Variants in TP63 observed in about 807,000 individuals in gnomAD.
TP63 encodes tumor protein p63.
TP63 carries 17 observed loss-of-function variants against 82.8 expected under a neutral mutation model. The ratio of observed to expected loss-of-function variants is 0.21; its 90% CI spans 0.14 to 0.31. The LOEUF is 0.31. Ranked by LOEUF, TP63 falls within the 10% of genes least tolerant of loss-of-function variation. The pLI is 1.00. For missense variants in TP63, 648 were observed against 895.3 expected, an observed-to-expected ratio of 0.72 and a Z score of 3.52; for synonymous variants, 330 against 321.7, an observed-to-expected ratio of 1.03 and a Z score of -0.28.
intron 1 of TP63, among the ~76,000 whole-genome samples, chr3:189,654,609 T>C (rs968425938): frequency 6.6e-6 from 1 of 152,070 alleles, no homozygotes; most frequent in Non-Finnish European, 1.5e-5. Context: ...TAGCCTGGGG[T>C]TTTCAGATAT....
At chr3:189,705,457 T>C (rs1718126717) in intron 1 of TP63, among the ~76,000 whole-genome samples, 1 of 152,118 alleles carries the variant, frequency 6.6e-6, no homozygotes, top group Non-Finnish European at 1.5e-5. Flanking sequence ...TCTTTTCTTT[T>C]TCTTTTCATT....
chr3:189,638,260 G>A (rs530155995), intron 1 of TP63, among the ~76,000 whole-genome samples: 3 of 152,212 alleles, frequency 2.0e-5, no homozygotes, highest in East Asian at 1.9e-4. Flanking sequence ...GTTTTGATGC[G>A]TTTAACTAAA....
intron 4 of TP63, among the ~76,000 whole-genome samples, chr3:189,811,031 T>C (rs951833540): frequency 2.6e-5 from 4 of 152,082 alleles, no homozygotes; most frequent in African/African-American, 9.7e-5. Flanking sequence ...AAAATTTCCT[T>C]ACATGTGACA....
intron 1 of TP63, among the ~76,000 whole-genome samples, chr3:189,679,248 C>T (rs1019331683): frequency 4.6e-5 from 7 of 152,022 alleles, no homozygotes; most frequent in Non-Finnish European, 8.8e-5. Flanking sequence ...TTTACATTCC[C>T]ACCAACAATA....
chr3:189,627,830 G>C (rs553674299), upstream of TP63, among the ~76,000 whole-genome samples: 2 of 152,196 alleles, frequency 1.3e-5, no homozygotes, highest in South Asian at 4.1e-4. Flanking sequence ...TGTCTAATGT[G>C]TCACCTCCTC....
At chr3:189,690,940 G>A (rs181430651) in intron 1 of TP63, among the ~76,000 whole-genome samples, 149 of 152,240 alleles carry the variant, frequency 9.8e-4, no homozygotes, top group African/African-American at 3.4e-3. Context: ...AACTGGAGTT[G>A]TCACTCTCAG....
chr3:189,694,798 T>TTTTTTTTTTTTG lies in TP63; in HGVS notation c.63-42931_63-42930insGTTTTTTTTTTT, dbSNP rs1717233381. Among the ~76,000 whole-genome samples, 2 of 29,076 alleles carry TTTTTTTTTTTTG rather than the reference T, an allele frequency of 6.9e-5. 1 individual carries two copies. Among genetic ancestry groups the TTTTTTTTTTTTG allele is most frequent in the Non-Finnish European group, 1.4e-4 (2 of 13,992 alleles). The allele number at this position is 29,076 out of a possible 152,430, so 19.1% of individuals were successfully genotyped here. A position where few individuals can be genotyped will look rare whatever the true frequency, so the allele number is the denominator to read the frequency against. ...AGGCCAGTATTTACAGCCTTTTTTT[T>TTTTTTTTTTTTG]TTTTTTTTTTTTTTTTTTTTTTTTT... On this transcript the variant is annotated intron_variant, in intron 1 of 13. Coordinates refer to ENST00000264731, the MANE Select transcript of TP63 (RefSeq NM_003722.5).
intron 1 of TP63, among the ~76,000 whole-genome samples, chr3:189,712,547 C>G (rs560742489): frequency 4.6e-5 from 7 of 152,246 alleles, no homozygotes; most frequent in African/African-American, 1.2e-4. Flanking sequence ...GGGCACACAG[C>G]AGCTCTTTGA....
At chr3:189,694,572 C>T (rs1440475879) in intron 1 of TP63, among the ~76,000 whole-genome samples, 1 of 151,720 alleles carries the variant, frequency 6.6e-6, no homozygotes, top group Non-Finnish European at 1.5e-5. Flanking sequence ...AATGATAAAC[C>T]TGGGTTTATG....
chr3:189,818,048 G>A (rs1728387325), intron 4 of TP63, among the ~76,000 whole-genome samples: 2 of 151,634 alleles, frequency 1.3e-5, no homozygotes, highest in South Asian at 4.1e-4. Flanking sequence ...GATAATTTGG[G>A]CTTGAAAGAT....
intron 7 of TP63, 69 bp from the exon 8 acceptor site, chr3:189,868,511 G>A (rs538944178): frequency 6.3e-7 from 1 of 1,594,164 alleles, no homozygotes; most frequent in South Asian, 1.1e-5. Context: ...AGTGGAAGTG[G>A]TAGATCTTCA....
At chr3:189,823,000 C>T (rs1728952881) in intron 4 of TP63, among the ~76,000 whole-genome samples, 1 of 152,190 alleles carries the variant, frequency 6.6e-6, no homozygotes, top group African/African-American at 2.4e-5. Flanking sequence ...GAGAAACAAT[C>T]AAGCAGCCTC....
At chr3:189,827,781 C>T (rs1711633106) in intron 4 of TP63, among the ~76,000 whole-genome samples, 1 of 152,040 alleles carries the variant, frequency 6.6e-6, no homozygotes, top group Non-Finnish European at 1.5e-5. Context: ...TGAATACCAC[C>T]CTAAGGAGTT....
At chr3:189,813,028 G>A (rs1031478208) in intron 4 of TP63, among the ~76,000 whole-genome samples, 13 of 152,090 alleles carry the variant, frequency 8.5e-5, no homozygotes, top group African/African-American at 2.4e-4. Flanking sequence ...GCTGCTTTCC[G>A]AAGCCTGCCC....
chr3:189,810,057 A>G (rs1305097628), intron 4 of TP63, among the ~76,000 whole-genome samples: 2 of 152,160 alleles, frequency 1.3e-5, no homozygotes, highest in Non-Finnish European at 2.9e-5. Context: ...TTGAGAAGTA[A>G]TTCTCCGGTG....
At chr3:189,726,278 T>C (rs949631693) in intron 1 of TP63, among the ~76,000 whole-genome samples, 16 of 152,196 alleles carry the variant, frequency 1.1e-4, no homozygotes, top group African/African-American at 3.4e-4. Context: ...CTGCTATTGA[T>C]GGAATATGTG....
intron 3 of TP63, among the ~76,000 whole-genome samples, chr3:189,792,574 A>G (rs1308596678): frequency 6.6e-6 from 1 of 152,134 alleles, no homozygotes; most frequent in Non-Finnish European, 1.5e-5. Context: ...TAAATGGGTT[A>G]CAGTATTTTC....
chr3:189,821,257 A>T (rs909991079), intron 4 of TP63, among the ~76,000 whole-genome samples: 3 of 152,178 alleles, frequency 2.0e-5, no homozygotes, highest in Non-Finnish European at 4.4e-5. Flanking sequence ...TACTTGTTAG[A>T]AGTATTCTTT....
At chr3:189,597,653 G>A in the TP63 span, among the ~76,000 whole-genome samples, 12 of 152,314 alleles carry the variant, frequency 7.9e-5, no homozygotes, top group South Asian at 1.7e-3. Context: ...GGCCTGGTGC[G>A]GTGGCTCATG....
Sources: allele counts gnomAD v4.1 joint callset (sites outside exome capture counted in the v4.1 genomes callset), GRCh38; gene constraint gnomAD v4.1.1; transcripts MANE v1.5; gene names NCBI Gene and HGNC (gene_info 2026-07-23, HGNC 2026-07-21).